GPR107: variants seen among roughly 807,000 people sequenced by gnomAD.
The protein encoded by GPR107 is G protein-coupled receptor 107.
GPR107 carries 31 observed loss-of-function variants against 75.5 expected under a neutral mutation model. The ratio of observed to expected loss-of-function variants is 0.41; its 90% CI spans 0.31 to 0.55. The LOEUF (loss-of-function observed/expected upper bound fraction) is 0.55. Among genes scored for constraint, GPR107 ranks in the 20% least tolerant of loss-of-function variants. The pLI, the probability that GPR107 is intolerant of heterozygous loss-of-function variation, is 0.26. For missense variants in GPR107, 572 were observed against 665.7 expected, an observed-to-expected ratio of 0.86 and a Z score of 1.55; for synonymous variants, 267 against 251.3, an observed-to-expected ratio of 1.06 and a Z score of -0.59.
At chr9:130,064,640 C>G (rs886775785) in intron 1 of GPR107, among the ~76,000 whole-genome samples, 1 of 152,116 alleles carries the variant, frequency 6.6e-6, no homozygotes, top group Admixed American at 6.5e-5. Context: ...ACTAGTGCCC[C>G]CACAAGTTCA....
intron 15 of GPR107, among the ~76,000 whole-genome samples, chr9:130,126,867 C>T (rs1234182827): frequency 1.3e-5 from 2 of 152,158 alleles, no homozygotes; most frequent in African/African-American, 4.8e-5. Context: ...TCTCTTGTTG[C>T]ATGCAGTGAT....
In GPR107 at chr9:130,053,969, C is replaced by T. The variant is rs1226636394; in HGVS notation, c.37C>T (p.Arg13Cys). 2.6e-6 allele frequency: 4 copies of T among 1,554,984 alleles called. No homozygotes were observed. The highest frequency in any genetic ancestry group is 1.9e-5 in the Admixed American group (1 of 51,770). ...GGCGCCCGTCGGCTCCCCCGCCTCC[C>T]GCGGTCCTAGGCTGGCCGCGGGCCT... ...ALAPVGSPAS[R>C]GPRLAAGLRL... Residue 13 changes from arginine to cysteine, a missense_variant, in exon 1 of 18, where the codon CGC becomes TGC. Coordinates refer to ENST00000347136, the MANE Select transcript of GPR107 (RefSeq NM_020960.5).
At position 130,071,035 on chromosome 9, in the gene GPR107, C is replaced by CTTTTT. The variant is rs56799662; in HGVS notation, c.142-4587_142-4583dup. Reference sequence around the variant, plus strand: ...GGCCCAGTCCTAACTTTTTTTTTTTCTTTTTTTTTTTTTTTTTTGAGACAG... The same window carrying CTTTTT: ...GGCCCAGTCCTAACTTTTTTTTTTTCTTTTTTTTTTTTTTTTTTTTTTTGAGACAG... On this transcript the variant is annotated intron_variant, in intron 1 of 17. Transcript: ENST00000347136. Among the ~76,000 whole-genome samples the CTTTTT allele has an allele frequency of 3.2e-4, 31 of 98,188 alleles. 1 individual carries two copies. Among genetic ancestry groups the CTTTTT allele is most frequent in the African/African-American group, 3.8e-4 (9 of 23,696 alleles). The allele number at this position is 98,188 out of a possible 152,430, so 64.4% of individuals were successfully genotyped here. A position where few individuals can be genotyped will look rare whatever the true frequency, so the allele number is the denominator to read the frequency against.
intron 10 of GPR107, among the ~76,000 whole-genome samples, chr9:130,100,039 C>T (rs1038818784): frequency 2.0e-5 from 3 of 151,430 alleles, no homozygotes; most frequent in Non-Finnish European, 2.9e-5. Flanking sequence ...GGACTACAGG[C>T]GCCCGCCACC....
intron 1 of GPR107, among the ~76,000 whole-genome samples, chr9:130,057,781 C>T (rs1383715034): frequency 1.3e-5 from 2 of 151,300 alleles, no homozygotes; most frequent in Non-Finnish European, 2.9e-5. Flanking sequence ...TCTCACAGTC[C>T]ATCTCTTTTG....
intron 12 of GPR107, among the ~76,000 whole-genome samples, chr9:130,102,006 C>T (rs1831043242): frequency 6.6e-6 from 1 of 152,192 alleles, no homozygotes; most frequent in Admixed American, 6.5e-5. Flanking sequence ...CAGACCTCAT[C>T]CACCCTTACG....
chr9:130,098,547 C>T (rs949247930), intron 9 of GPR107, among the ~76,000 whole-genome samples: 3 of 152,114 alleles, frequency 2.0e-5, no homozygotes, highest in Non-Finnish European at 2.9e-5. Context: ...GGGTGGTTTC[C>T]GGGAACAAGC....
chr9:130,075,509 G>C (rs1442049745), intron 1 of GPR107, 127 bp from the exon 2 acceptor site: 3 of 572,142 alleles, frequency 5.2e-6, no homozygotes, highest in Admixed American at 5.4e-5. Context: ...GTCTCCCAAA[G>C]TGGTGGGATT....
At chr9:130,116,622 C>T (rs1473144925) in intron 14 of GPR107, among the ~76,000 whole-genome samples, 4 of 152,124 alleles carry the variant, frequency 2.6e-5, no homozygotes, top group Non-Finnish European at 5.9e-5. Context: ...GAGAGACTGA[C>T]GGGAGCTGAG....
intron 7 of GPR107, among the ~76,000 whole-genome samples, chr9:130,087,778 C>T (rs950355339): frequency 1.0e-4 from 14 of 133,970 alleles, no homozygotes; most frequent in Admixed American, 4.2e-4. Context: ...TGCACTGCAG[C>T]CTGGGTGACA....
In GPR107 at chr9:130,103,114, CCA is replaced by C. The variant is rs1831077061; in HGVS notation, c.1132-1303_1132-1302del. On this transcript the variant is annotated intron_variant, in intron 12 of 17. Transcript: ENST00000347136. The surrounding 1 kb of genome is among the most constrained non-coding windows in gnomAD (Gnocchi z 4.3). The stretch of plus-strand genomic sequence containing the variant: ...CCCTACTTTGTCTTTTTAGATGGAG[CCA>C]CAGATGCTAGTGTTTTGGATAGACA... 1.3e-5 allele frequency among the ~76,000 whole-genome samples: 2 copies of C among 152,080 alleles called. No homozygotes were observed. The highest frequency in any genetic ancestry group is 2.9e-5 in the Non-Finnish European group (2 of 68,022).
chr9:130,075,870 C>T (rs1453867936), intron 2 of GPR107, 121 bp downstream of exon 2: 1 of 556,380 alleles, frequency 1.8e-6, no homozygotes, highest in African/African-American at 1.9e-5. Flanking sequence ...GCAACCTCCA[C>T]CTCCCGGGTT....
At chr9:130,127,173 T>C (rs1799714118) in intron 15 of GPR107, among the ~76,000 whole-genome samples, 1 of 152,150 alleles carries the variant, frequency 6.6e-6, no homozygotes, top group Non-Finnish European at 1.5e-5. Context: ...GAGATTGAAA[T>C]CAAGGGCTTA....
At chr9:130,084,175 A>T (rs1203118986) in intron 6 of GPR107, among the ~76,000 whole-genome samples, 1 of 150,680 alleles carries the variant, frequency 6.6e-6, no homozygotes, top group African/African-American at 2.4e-5. Context: ...AGGTTGGGGG[A>T]TCACTTGAGA....
At chr9:130,073,309 C>T (rs1042701281) in intron 1 of GPR107, among the ~76,000 whole-genome samples, 1 of 152,180 alleles carries the variant, frequency 6.6e-6, no homozygotes, top group Non-Finnish European at 1.5e-5. Context: ...GAGTTAATGT[C>T]TCCTGTGCCT....
At chr9:130,061,182 A>G (rs1829917699) in intron 1 of GPR107, among the ~76,000 whole-genome samples, 1 of 152,166 alleles carries the variant, frequency 6.6e-6, no homozygotes, top group Admixed American at 6.6e-5. Flanking sequence ...GAGCGGGACT[A>G]AGCCCCGACC....
intron 14 of GPR107, among the ~76,000 whole-genome samples, chr9:130,121,561 C>T (rs990606951): frequency 4.6e-5 from 7 of 152,198 alleles, no homozygotes; most frequent in Admixed American, 6.5e-5. Flanking sequence ...ACAGTCCAGC[C>T]GCTTTGAGCT....
intron 14 of GPR107, among the ~76,000 whole-genome samples, chr9:130,121,181 T>TCAAAA (rs77505902): frequency 0.24 from 34,041 of 140,664 alleles, 4,135 homozygotes; most frequent in Non-Finnish European, 0.28. Flanking sequence ...AGACCCTATC[T>TCAAAA]CAAAACAAAA....
chr9:130,104,545 G>T lies in GPR107; in HGVS notation c.1257G>T (p.Val419=), dbSNP rs1831116387. 6.2e-7 allele frequency: 1 copy of T among 1,613,622 alleles called. No homozygotes were observed. Among genetic ancestry groups the T allele is most frequent in the East Asian group, 2.2e-5 (1 of 44,878 alleles). The change falls in exon 13 of 18, where the codon GTG becomes GTT. Residue 419 remains valine (V), a synonymous_variant. Transcript: ENST00000347136. ...LLCCGAILFP[V]VWSIRHLQEA... ...GTTGTGGTGCCATCCTCTTCCCAGT[G>T]GTGTGGTGAGTAGCTCACAGGGAGG...
Sources: allele counts gnomAD v4.1 joint callset (sites outside exome capture counted in the v4.1 genomes callset), GRCh38; gene constraint gnomAD v4.1.1; non-coding constraint Gnocchi (gnomAD v3.1); transcripts MANE v1.5; gene names NCBI Gene and HGNC (gene_info 2026-07-23, HGNC 2026-07-21).